The following PCDH7 variants were observed in gnomAD, a reference collection of about 807,000 sequenced individuals.
The protein encoded by PCDH7 is protocadherin-7.
In PCDH7, 17 loss-of-function variants were observed where a neutral mutation model predicts 58.9. That is an observed-to-expected ratio of 0.29 (90% CI 0.20 to 0.43). PCDH7 has a LOEUF of 0.43. Among genes scored for constraint, PCDH7 ranks in the 20% least tolerant of loss-of-function variants. The pLI, the probability that PCDH7 is intolerant of heterozygous loss-of-function variation, is 1.00. For missense variants in PCDH7, 1,274 were observed against 1,441.0 expected, an observed-to-expected ratio of 0.88 and a Z score of 1.88; for synonymous variants, 664 against 616.4, an observed-to-expected ratio of 1.08 and a Z score of -1.14.
intron 3 of PCDH7, among the ~76,000 whole-genome samples, chr4:31,021,627 T>C (rs1754023374): frequency 6.6e-6 from 1 of 152,130 alleles, no homozygotes; most frequent in Non-Finnish European, 1.5e-5. Context: ...TTCCAGCCTC[T>C]CTCAAGACTT....
intron 1 of PCDH7, among the ~76,000 whole-genome samples, chr4:30,782,752 T>TCTCTTTTATAA (rs1380122334): frequency 2.6e-5 from 4 of 152,232 alleles, no homozygotes; most frequent in African/African-American, 9.6e-5. Context: ...TGTGGTTTAA[T>TCTCTTTTATAA]GTCTATAAAC....
intron 3 of PCDH7, among the ~76,000 whole-genome samples, chr4:30,991,485 A>ACTCT (rs1751461833): frequency 6.6e-6 from 1 of 152,014 alleles, no homozygotes; most frequent in African/African-American, 2.4e-5. Flanking sequence ...TTAGATCAGC[A>ACTCT]CTCTCGAGAC....
intron 1 of PCDH7, among the ~76,000 whole-genome samples, chr4:30,837,906 TATA>T (rs1429707094): frequency 6.7e-6 from 1 of 148,410 alleles, no homozygotes; most frequent in Admixed American, 6.8e-5. Flanking sequence ...ATTTTATATA[TATA>T]TATATATAAC....
intron 3 of PCDH7, among the ~76,000 whole-genome samples, chr4:31,062,532 C>T (rs568024143): frequency 3.8e-4 from 58 of 151,614 alleles, no homozygotes; most frequent in Non-Finnish European, 3.8e-4. Context: ...AGAGCCAAAC[C>T]CTTCTGAGTT....
chr4:30,954,672 G>T (rs990655804), intron 3 of PCDH7, among the ~76,000 whole-genome samples: 19 of 152,142 alleles, frequency 1.2e-4, no homozygotes, highest in African/African-American at 4.3e-4. Flanking sequence ...CGAGTGAAAA[G>T]CAGGACACAG....
At chr4:30,768,586 G>A (rs962775938) in intron 1 of PCDH7, among the ~76,000 whole-genome samples, 3 of 152,212 alleles carry the variant, frequency 2.0e-5, no homozygotes, top group Non-Finnish European at 4.4e-5. Context: ...TTGTAACTTA[G>A]TGAAAGTTTT....
intron 1 of PCDH7, among the ~76,000 whole-genome samples, chr4:30,834,288 C>A (rs1730188345): frequency 6.6e-6 from 1 of 152,134 alleles, no homozygotes; most frequent in Non-Finnish European, 1.5e-5. Flanking sequence ...AATTTTTGAA[C>A]AAAGGGCCCT....
chr4:30,862,262 G>A (rs1734302741), intron 1 of PCDH7, among the ~76,000 whole-genome samples: 1 of 152,140 alleles, frequency 6.6e-6, no homozygotes, highest in South Asian at 2.1e-4. Context: ...AAATTGTTTG[G>A]TGCTCTCCAG....
At chr4:30,873,221 C>A (rs1735846044) in intron 1 of PCDH7, among the ~76,000 whole-genome samples, 1 of 152,066 alleles carries the variant, frequency 6.6e-6, no homozygotes, top group Admixed American at 6.6e-5. Context: ...TCTAGCCACA[C>A]TATACCTGAA....
At chr4:31,111,499 G>T (rs1196361382) in intron 3 of PCDH7, among the ~76,000 whole-genome samples, 2 of 151,778 alleles carry the variant, frequency 1.3e-5, no homozygotes, top group African/African-American at 4.8e-5. Context: ...TAGTAGAGAC[G>T]GGGTTTTTCT....
At chr4:30,995,287 GC>G (rs1169084424) in intron 3 of PCDH7, among the ~76,000 whole-genome samples, 1 of 152,160 alleles carries the variant, frequency 6.6e-6, no homozygotes, top group East Asian at 1.9e-4. Flanking sequence ...GGAGGCAGAG[GC>G]AGGAGGATCA....
At position 30,921,973 on chromosome 4, in the gene PCDH7, T is replaced by G. The variant is rs185916015; in HGVS notation, c.287+1604T>G. On this transcript the variant is annotated intron_variant, in intron 2 of 3. Coordinates refer to the PCDH7 transcript ENST00000509759. The stretch of plus-strand genomic sequence containing the variant: ...AATGTTAGTTTCTGTTTTATGAGTT[T>G]ATGGGGATTCATCACCTTTAAAATA... 1.9e-4 allele frequency among the ~76,000 whole-genome samples: 29 copies of G among 151,846 alleles called. No individual in the cohort carries two copies. The East Asian group carries it at 4.9e-3, about 25-fold the overall frequency.
rs10650645 is a variant in PCDH7 at position 31,085,853 on chromosome 4, C to CTTTT, written c.*8-56608_*8-56605dup. On this transcript the variant is annotated intron_variant, in intron 3 of 3. Coordinates refer to the PCDH7 transcript ENST00000509759. ...CAGACTCTTTTCTCTCTCTCTCTCT[C>CTTTT]TTTTTTTTTTTTTTTCATCTCTTCC... 2.2e-4 allele frequency among the ~76,000 whole-genome samples: 30 copies of CTTTT among 138,944 alleles called. No homozygotes were observed. In the South Asian group the frequency reaches 4.2e-3, roughly 19 times the overall value. 91.2% of individuals were successfully genotyped at this position (138,944 alleles called of 152,430 possible). A position where few individuals can be genotyped will look rare whatever the true frequency, so the allele number is the denominator to read the frequency against.
intron 1 of PCDH7, among the ~76,000 whole-genome samples, chr4:30,826,242 G>T (rs567251013): frequency 6.6e-6 from 1 of 152,072 alleles, no homozygotes; most frequent in Non-Finnish European, 1.5e-5. Context: ...TACAAATTTC[G>T]TGAAAGGGAA....
chr4:31,099,603 G>A (rs1039668066), intron 3 of PCDH7, among the ~76,000 whole-genome samples: 3 of 152,118 alleles, frequency 2.0e-5, no homozygotes, highest in Non-Finnish European at 2.9e-5. Context: ...CAGGCACTGC[G>A]ATGCATTATC....
chr4:30,907,128 A>G (rs1427633453), intron 1 of PCDH7, among the ~76,000 whole-genome samples: 1 of 152,174 alleles, frequency 6.6e-6, no homozygotes, highest in Non-Finnish European at 1.5e-5. Flanking sequence ...CCAAGATTCA[A>G]GCTGATGACC....
intron 1 of PCDH7, among the ~76,000 whole-genome samples, chr4:30,746,334 A>G (rs1717775736): frequency 6.6e-6 from 1 of 152,150 alleles, no homozygotes; most frequent in Admixed American, 6.5e-5. Context: ...CAAAAATCCT[A>G]ATTCAATCTG....
chr4:30,826,976 G>GTTT (rs1729168994), intron 1 of PCDH7, among the ~76,000 whole-genome samples: 2 of 151,986 alleles, frequency 1.3e-5, no homozygotes, highest in Non-Finnish European at 2.9e-5. Flanking sequence ...TCTTCCCAGT[G>GTTT]CTACTCTAGA....
chr4:30,735,365 A>G (rs550316799), downstream of PCDH7, among the ~76,000 whole-genome samples: 7 of 152,258 alleles, frequency 4.6e-5, no homozygotes, highest in East Asian at 1.2e-3. Flanking sequence ...GAGGCGGGGC[A>G]TATCTTGGTT....
Sources: allele counts gnomAD v4.1 joint callset (sites outside exome capture counted in the v4.1 genomes callset), GRCh38; gene constraint gnomAD v4.1.1; transcripts MANE v1.5; gene names NCBI Gene and HGNC (gene_info 2026-07-23, HGNC 2026-07-21).